DCAF12: variants seen among roughly 807,000 people sequenced by gnomAD.
The protein encoded by DCAF12 is DDB1- and CUL4-associated factor 12.
In DCAF12, 28 loss-of-function variants were observed where a neutral mutation model predicts 52.8. That is an observed-to-expected ratio of 0.53 (90% CI 0.39 to 0.73). DCAF12 has a LOEUF of 0.73. Among genes scored for constraint, DCAF12 ranks in the 30% least tolerant of loss-of-function variants. The pLI is 0.00. For missense variants in DCAF12, 425 were observed against 552.2 expected (o/e 0.77, Z 2.31); for synonymous variants, 196 against 215.5 (o/e 0.91, Z 0.79).
At chr9:34,090,821 A>C (rs1828631371) in intron 7 of DCAF12, among the ~76,000 whole-genome samples, 1 of 151,364 alleles carries the variant, frequency 6.6e-6, no homozygotes, top group African/African-American at 2.4e-5. Flanking sequence ...CCCCCAGCTA[A>C]TTTTGTTTGT....
chr9:34,122,475 T>TTC (rs1829190359), intron 2 of DCAF12, among the ~76,000 whole-genome samples: 1 of 141,244 alleles, frequency 7.1e-6, no homozygotes, highest in Non-Finnish European at 1.5e-5. Flanking sequence ...TAGTATCAAT[T>TTC]TTTTTTTTTT....
At chr9:34,117,689 A>C (rs916105114) in intron 2 of DCAF12, among the ~76,000 whole-genome samples, 4 of 152,076 alleles carry the variant, frequency 2.6e-5, no homozygotes, top group Non-Finnish European at 5.9e-5. Context: ...CCCAGGCGGG[A>C]GGATCACCTG....
chr9:34,091,560 T>C (rs1436065392), intron 7 of DCAF12, among the ~76,000 whole-genome samples: 2 of 139,674 alleles, frequency 1.4e-5, no homozygotes, highest in Non-Finnish European at 3.0e-5. Context: ...TGCTTGAGCC[T>C]GGCAGGTGGA....
At chr9:34,107,241 T>C in intron 3 of DCAF12, 118 bp downstream of exon 3, 3 of 951,518 alleles carry the variant, frequency 3.2e-6, no homozygotes, top group Non-Finnish European at 5.0e-6. Context: ...AAATATACAC[T>C]GTGCCCTATG....
At chr9:34,120,102 C>G (rs1253913068) in intron 2 of DCAF12, among the ~76,000 whole-genome samples, 1 of 144,030 alleles carries the variant, frequency 6.9e-6, no homozygotes, top group East Asian at 2.1e-4. Context: ...ACTCAAGAGG[C>G]TGAGGCAGGA....
intron 2 of DCAF12, among the ~76,000 whole-genome samples, chr9:34,114,227 G>A (rs950753888): frequency 1.3e-5 from 2 of 152,166 alleles, no homozygotes; most frequent in African/African-American, 2.4e-5. Flanking sequence ...AACAAGCCAA[G>A]TATAGAATAC....
At chr9:34,099,263 G>A (rs900524938) in intron 4 of DCAF12, among the ~76,000 whole-genome samples, 3 of 152,010 alleles carry the variant, frequency 2.0e-5, no homozygotes, top group African/African-American at 7.2e-5. Flanking sequence ...TTGAGATGGA[G>A]TCTTGCTGTG....
intron 2 of DCAF12, chr9:34,109,831 C>A: frequency 6.1e-6 from 2 of 326,442 alleles, no homozygotes; most frequent in Non-Finnish European, 6.3e-6. Context: ...CTTTAGGGGT[C>A]GGAAGCAGAT....
At chr9:34,108,854 G>A in intron 2 of DCAF12, among the ~76,000 whole-genome samples, 1 of 148,754 alleles carries the variant, frequency 6.7e-6, no homozygotes, top group East Asian at 1.9e-4. Flanking sequence ...AAGGTGGCAA[G>A]TGCCTGTAGT....
chr9:34,088,521 A>G lies in DCAF12; in HGVS notation c.1204-13T>C. The G allele has an allele frequency of 1.2e-6, 2 of 1,614,088 alleles. No homozygotes were observed. Among genetic ancestry groups the G allele is most frequent in the Non-Finnish European group, 1.7e-6 (2 of 1,179,968 alleles). On this transcript the variant is annotated splice_polypyrimidine_tract_variant and intron_variant, in intron 8 of 8. Transcript: ENST00000361264. The stretch of plus-strand genomic sequence containing the variant: ...TTTCATCATGATTCTACGGGAAGAG[A>G]AAGAGACTACAATTAGCACCTCTAG...
At chr9:34,089,952 A>G (rs947918227) in intron 7 of DCAF12, 8 of 181,606 alleles carry the variant, frequency 4.4e-5, no homozygotes, top group African/African-American at 9.4e-5. Context: ...TTTCTCCATC[A>G]TATGTTTCCA....
intron 3 of DCAF12, 58 bp from the exon 4 acceptor site, chr9:34,106,552 G>C (rs1045583210): frequency 1.4e-6 from 2 of 1,395,600 alleles, no homozygotes; most frequent in African/African-American, 1.4e-5. Flanking sequence ...GTAAAATAAG[G>C]ATTGTAATAA....
chr9:34,118,172 C>T (rs930406052), intron 2 of DCAF12, among the ~76,000 whole-genome samples: 2 of 151,980 alleles, frequency 1.3e-5, no homozygotes, highest in South Asian at 2.1e-4. Context: ...CTCACTCTGT[C>T]GCCCAGGCTG....
chr9:34,116,398 C>T (rs894185534), intron 2 of DCAF12, among the ~76,000 whole-genome samples: 2 of 152,002 alleles, frequency 1.3e-5, no homozygotes, highest in Non-Finnish European at 1.5e-5. Flanking sequence ...TGGCTGGGCA[C>T]AGTGGCTCAC....
At chr9:34,089,328 G>A (rs1828608368) in intron 8 of DCAF12, 84 bp downstream of exon 8, 2 of 1,386,614 alleles carry the variant, frequency 1.4e-6, no homozygotes, top group East Asian at 4.7e-5. Flanking sequence ...ATGAGTAGAT[G>A]GTGTGTCAGT....
intron 2 of DCAF12, among the ~76,000 whole-genome samples, chr9:34,119,161 T>C (rs910641835): frequency 6.6e-6 from 1 of 152,170 alleles, no homozygotes; most frequent in African/African-American, 2.4e-5. Flanking sequence ...TTTTGTTGCA[T>C]ATTCTACTAC....
chr9:34,125,401 C>A, intron 1 of DCAF12, 124 bp from the exon 2 acceptor site: 5 of 1,103,964 alleles, frequency 4.5e-6, no homozygotes, highest in Non-Finnish European at 6.5e-6. Flanking sequence ...CAAATACAAA[C>A]ACAAGAGAAC....
intron 4 of DCAF12, among the ~76,000 whole-genome samples, chr9:34,100,198 C>CTTTTTT (rs35820744): frequency 8.5e-6 from 1 of 117,770 alleles, no homozygotes; most frequent in Non-Finnish European, 1.8e-5. Flanking sequence ...CCATGACTGG[C>CTTTTTT]TTTTTTTTTT....
Position 34,097,344 on chromosome 9 carries a change from C to T in DCAF12, c.796-563G>A, listed in dbSNP as rs1828751551. Among the ~76,000 whole-genome samples the T allele has an allele frequency of 2.0e-5, 3 of 149,766 alleles. No homozygotes were observed. In the South Asian group the frequency reaches 6.4e-4, roughly 32 times the overall value. ...TGGCGCAATTTCGGCTCACTGCCAA[C>T]CTCCACCTCCTATAGTTTTCCTGCC... On this transcript the variant is annotated intron_variant, in intron 5 of 8. Coordinates refer to ENST00000361264, the MANE Select transcript of DCAF12 (RefSeq NM_015397.4).
Sources: allele counts gnomAD v4.1 joint callset (sites outside exome capture counted in the v4.1 genomes callset), GRCh38; gene constraint gnomAD v4.1.1; transcripts MANE v1.5; gene names NCBI Gene and HGNC (gene_info 2026-07-23, HGNC 2026-07-21).